Variants in UNC13C observed in about 807,000 individuals in gnomAD.
The protein encoded by UNC13C is unc-13 homolog C, also known as protein unc-13 homolog C.
In UNC13C, 174 loss-of-function variants were observed where a neutral mutation model predicts 245.4. The observed-to-expected ratio is 0.71, with a 90% confidence interval of 0.63 to 0.80. The LOEUF is 0.80. Ranked by LOEUF, UNC13C falls within the 30% of genes least tolerant of loss-of-function variation. UNC13C has a pLI of 0.00. For synonymous variants in UNC13C, 992 were observed against 895.1 expected, an observed-to-expected ratio of 1.11 and a Z score of -1.93; for missense variants, 2,829 against 2,602.9, an observed-to-expected ratio of 1.09 and a Z score of -1.89.
chr15:54,472,999 T>G (rs577984760), intron 19 of UNC13C, among the ~76,000 whole-genome samples: 5 of 151,738 alleles, frequency 3.3e-5, no homozygotes, highest in African/African-American at 1.2e-4. Flanking sequence ...TATTCAACCC[T>G]CTTTTCCCTC....
At chr15:54,422,461 C>T (rs1052696953) in intron 19 of UNC13C, among the ~76,000 whole-genome samples, 9 of 152,006 alleles carry the variant, frequency 5.9e-5, no homozygotes, top group Admixed American at 3.9e-4. Flanking sequence ...AAGGCTTCCT[C>T]TTTCAATTGA....
chr15:54,089,746 T>C (rs1380427267), intron 2 of UNC13C, among the ~76,000 whole-genome samples: 9 of 151,848 alleles, frequency 5.9e-5, no homozygotes, highest in Non-Finnish European at 5.9e-5. Flanking sequence ...AATGGGACAT[T>C]CATTTTTACT....
chr15:54,096,979 T>A (rs906959654), intron 2 of UNC13C, among the ~76,000 whole-genome samples: 5 of 152,208 alleles, frequency 3.3e-5, no homozygotes, highest in African/African-American at 1.2e-4. Flanking sequence ...TTCTCTGCAA[T>A]AAAAATATAT....
intron 19 of UNC13C, among the ~76,000 whole-genome samples, chr15:54,422,602 C>A (rs1481081152): frequency 6.6e-6 from 1 of 151,934 alleles, no homozygotes; most frequent in Non-Finnish European, 1.5e-5. Flanking sequence ...ACTTCCTTAA[C>A]TGAGCCAAAT....
chr15:54,009,795 T>C (rs1895302620), intron 1 of UNC13C, among the ~76,000 whole-genome samples: 1 of 152,192 alleles, frequency 6.6e-6, no homozygotes, highest in Non-Finnish European at 1.5e-5. Flanking sequence ...TCTGCTGCCT[T>C]GGCCTCCCAA....
intron 29 of UNC13C, among the ~76,000 whole-genome samples, chr15:54,558,587 A>G (rs561781338): frequency 2.0e-4 from 30 of 152,198 alleles, no homozygotes; most frequent in African/African-American, 6.7e-4. Context: ...GAAAATATTA[A>G]CTTTTCTAAA....
chr15:53,885,278 ATTC>A, the UNC13C span, among the ~76,000 whole-genome samples: 3 of 152,316 alleles, frequency 2.0e-5, no homozygotes, highest in African/African-American at 7.2e-5. Context: ...AGAAATCAGA[ATTC>A]TTCTTCCCTA....
intron 4 of UNC13C, among the ~76,000 whole-genome samples, chr15:54,220,584 C>G (rs2035194233): frequency 6.6e-6 from 1 of 150,554 alleles, no homozygotes; most frequent in South Asian, 2.1e-4. Context: ...TACCCTAAAA[C>G]TTAAAGTATA....
intron 19 of UNC13C, among the ~76,000 whole-genome samples, chr15:54,491,941 G>A (rs961608496): frequency 6.7e-6 from 1 of 148,968 alleles, no homozygotes; most frequent in Non-Finnish European, 1.5e-5. Flanking sequence ...GTAGTAAGCC[G>A]AGATCACACC....
At chr15:54,525,348 T>C (rs576921345) in intron 24 of UNC13C, among the ~76,000 whole-genome samples, 1 of 152,060 alleles carries the variant, frequency 6.6e-6, no homozygotes. Flanking sequence ...AAACAATTTT[T>C]TGTATATGAG....
chr15:54,357,720 G>A (rs1393222659), intron 17 of UNC13C, among the ~76,000 whole-genome samples: 1 of 151,996 alleles, frequency 6.6e-6, no homozygotes, highest in African/African-American at 2.4e-5. Context: ...AAATCCAGGG[G>A]AAAAATACAA....
At chr15:54,243,527 TA>T (rs1376768431) in intron 7 of UNC13C, among the ~76,000 whole-genome samples, 4 of 152,182 alleles carry the variant, frequency 2.6e-5, no homozygotes, top group Non-Finnish European at 5.9e-5. Flanking sequence ...GGTCAAGTGG[TA>T]TTTCTGCCTC....
chr15:54,451,968 A>G (rs547620669), intron 19 of UNC13C, among the ~76,000 whole-genome samples: 3 of 152,322 alleles, frequency 2.0e-5, no homozygotes, highest in African/African-American at 4.8e-5. Context: ...GGTAGGGAAC[A>G]TTGGCTTTGA....
At chr15:53,931,146 T>G in the UNC13C span, among the ~76,000 whole-genome samples, 22 of 152,090 alleles carry the variant, frequency 1.4e-4, no homozygotes, top group Admixed American at 1.2e-3. Flanking sequence ...TTTATTGATT[T>G]ATTTATTTAT....
chr15:54,344,428 A>G (rs893060025), intron 17 of UNC13C, among the ~76,000 whole-genome samples: 15 of 152,234 alleles, frequency 9.9e-5, no homozygotes, highest in African/African-American at 3.1e-4. Flanking sequence ...AGATAATTAT[A>G]TAATTTTCTT....
intron 10 of UNC13C, among the ~76,000 whole-genome samples, chr15:54,290,832 G>A (rs1038600270): frequency 1.7e-4 from 26 of 152,046 alleles, no homozygotes; most frequent in African/African-American, 6.0e-4. Context: ...TCTAGAGCTT[G>A]CTATTTATTG....
At chr15:53,963,576 ATAAG>A in the UNC13C span, among the ~76,000 whole-genome samples, 1 of 152,130 alleles carries the variant, frequency 6.6e-6, no homozygotes, top group Non-Finnish European at 1.5e-5. Flanking sequence ...TGAAATTCTG[ATAAG>A]TATTATCTAT....
intron 8 of UNC13C, among the ~76,000 whole-genome samples, chr15:54,252,654 C>G (rs1020351067): frequency 2.0e-5 from 3 of 151,864 alleles, no homozygotes; most frequent in Non-Finnish European, 2.9e-5. Context: ...TTGTTTTAAG[C>G]CAAAAAAATG....
intron 2 of UNC13C, among the ~76,000 whole-genome samples, chr15:54,027,025 C>T (rs1243936424): frequency 6.6e-6 from 1 of 151,998 alleles, no homozygotes; most frequent in Non-Finnish European, 1.5e-5. Flanking sequence ...CAGAAGGCTT[C>T]CCTAAGGAAA....
Sources: gnomAD v4.1 joint callset for allele counts (sites outside exome capture counted in the v4.1 genomes callset) on GRCh38, gnomAD v4.1.1 for gene constraint, MANE v1.5 for transcripts, NCBI Gene and HGNC (gene_info 2026-07-23, HGNC 2026-07-21) for gene names.